RAB3IL1: variants seen among roughly 807,000 people sequenced by gnomAD.
RAB3IL1 encodes RAB3A interacting protein like 1, also known as guanine nucleotide exchange factor for Rab-3A.
RAB3IL1 carries 37 observed loss-of-function variants against 49.2 expected under a neutral mutation model. The ratio of observed to expected loss-of-function variants is 0.75; its 90% confidence interval spans 0.58 to 0.99. RAB3IL1 has a LOEUF of 0.99. Among genes scored for constraint, RAB3IL1 ranks in the 50% least tolerant of loss-of-function variants. The probability of loss-of-function intolerance (pLI) is 0.00; values close to 1 mark genes in which losing one functional copy is unlikely to be tolerated. For synonymous variants in RAB3IL1, 193 were observed against 213.9 expected (o/e 0.90, Z 0.85); for missense variants, 484 against 513.0 (o/e 0.94, Z 0.55).
chr11:61,903,101 A>T (rs1054202166), intron 7 of RAB3IL1, among the ~76,000 whole-genome samples: 2 of 151,640 alleles, frequency 1.3e-5, no homozygotes, highest in African/African-American at 4.9e-5. Flanking sequence ...TCAGCCACCC[A>T]CATGAAGGGT....
At chr11:61,938,663 T>C in the RAB3IL1 span, among the ~76,000 whole-genome samples, 76,638 of 152,016 alleles carry the variant, frequency 0.5, 20,226 homozygotes, top group East Asian at 0.87. Flanking sequence ...CAGTGGCTCA[T>C]GCTTCTAATC....
At chr11:61,922,737 C>T (rs1312249843), upstream of RAB3IL1, among the ~76,000 whole-genome samples, 5 of 152,046 alleles carry the variant, frequency 3.3e-5, no homozygotes, top group East Asian at 9.7e-4. Context: ...AACAGTATCT[C>T]CCACTTGGGC....
chr11:61,940,959 G>A, the RAB3IL1 span, among the ~76,000 whole-genome samples: 10 of 151,648 alleles, frequency 6.6e-5, no homozygotes, highest in East Asian at 3.9e-4. Flanking sequence ...ACTGTGGCAC[G>A]TGCTTGTAAT....
At chr11:61,907,889 C>CGG (rs1939278211) in intron 2 of RAB3IL1, among the ~76,000 whole-genome samples, 165 bp downstream of exon 2, 2 of 152,190 alleles carry the variant, frequency 1.3e-5, no homozygotes, top group Admixed American at 1.3e-4. Context: ...GCAGTCAAGA[C>CGG]GGGTGACCAT....
the RAB3IL1 span, among the ~76,000 whole-genome samples, chr11:61,933,846 G>A: frequency 1.3e-5 from 2 of 152,098 alleles, no homozygotes; most frequent in Non-Finnish European, 2.9e-5. Flanking sequence ...TAGGAAGGCT[G>A]AGGCAGGAGA....
At chr11:61,942,603 C>T in the RAB3IL1 span, among the ~76,000 whole-genome samples, 18 of 152,052 alleles carry the variant, frequency 1.2e-4, no homozygotes, top group Admixed American at 5.9e-4. Context: ...ATGTAGTAAA[C>T]CCTAAAGAAT....
intron 7 of RAB3IL1, among the ~76,000 whole-genome samples, chr11:61,903,237 C>T (rs758429860): frequency 2.0e-5 from 3 of 152,020 alleles, no homozygotes; most frequent in Admixed American, 6.6e-5. Flanking sequence ...GGCCAGGGCA[C>T]AGCAGCAGTA....
upstream of RAB3IL1, among the ~76,000 whole-genome samples, chr11:61,922,705 T>TGCCCC (rs1302176893): frequency 6.8e-6 from 1 of 146,254 alleles, no homozygotes; most frequent in African/African-American, 2.5e-5. Context: ...CACCCCACCC[T>TGCCCC]GCCCCGCCCC....
rs1429322136 is a variant in RAB3IL1, at chr11:61,899,313, C to A, written c.1066+1G>T. 2 of 1,605,228 alleles carry A rather than the reference C, an allele frequency of 1.2e-6. No homozygotes were observed. The highest frequency in any genetic ancestry group is 1.7e-6 in the Non-Finnish European group (2 of 1,179,454). On this transcript the variant is annotated splice_donor_variant, in intron 9 of 9. Transcript: ENST00000394836. LOFTEE classifies it high-confidence loss of function. The stretch of plus-strand genomic sequence containing the variant: ...TGCACCGGCCACCAGGGGGCGCTCA[C>A]CGTCCTGCCGCACCAGGCCTTGCTG...
chr11:61,936,271 T>C, the RAB3IL1 span, among the ~76,000 whole-genome samples: 1 of 152,218 alleles, frequency 6.6e-6, no homozygotes, highest in Admixed American at 6.5e-5. Flanking sequence ...ACTTCCAATA[T>C]GTAATGGAAG....
rs1939223105 is a variant in RAB3IL1 at position 61,906,953 on chromosome 11, C to T, written c.439-269G>A. On this transcript the variant is annotated intron_variant, in intron 4 of 9. Transcript: ENST00000394836. This position sits in a 1 kb window ranked among gnomAD's most constrained non-coding sequence, Gnocchi z 4.6. ...ACAAGTGTCTGGGAGCTGGCTGGGCCTCCCATGAGAGTTCTGGGACCGCCC... is the reference window on the plus strand; with the variant it reads ...ACAAGTGTCTGGGAGCTGGCTGGGCTTCCCATGAGAGTTCTGGGACCGCCC... Among the ~76,000 whole-genome samples, 1 of 152,214 alleles carries T rather than the reference C, an allele frequency of 6.6e-6. No homozygotes were observed. The highest frequency in any genetic ancestry group is 1.5e-5 in the Non-Finnish European group (1 of 68,028).
the RAB3IL1 span, among the ~76,000 whole-genome samples, chr11:61,937,039 G>C: frequency 6.6e-6 from 1 of 151,780 alleles, no homozygotes; most frequent in East Asian, 1.9e-4. Context: ...TAAATACATA[G>C]GTAAATATAC....
upstream of RAB3IL1, among the ~76,000 whole-genome samples, chr11:61,924,955 CG>C (rs1487175039): frequency 2.6e-5 from 4 of 152,134 alleles, no homozygotes; most frequent in Non-Finnish European, 5.9e-5. Flanking sequence ...CAGAAACCTT[CG>C]GGGGGAAAAC....
At chr11:61,907,341 G>C in intron 4 of RAB3IL1, 52 bp downstream of exon 4, 1 of 1,585,490 alleles carries the variant, frequency 6.3e-7, no homozygotes, top group South Asian at 1.1e-5. Context: ...CGCTGAGCCG[G>C]GAGGCAGGGG....
At chr11:61,902,313 C>CA (rs1276231116) in intron 8 of RAB3IL1, 129 bp downstream of exon 8, 3 of 838,686 alleles carry the variant, frequency 3.6e-6, no homozygotes, top group Non-Finnish European at 5.5e-6. Flanking sequence ...GACTCTGTCT[C>CA]AAAAAATAAA....
chr11:61,943,178 T>G, the RAB3IL1 span, among the ~76,000 whole-genome samples: 1 of 152,206 alleles, frequency 6.6e-6, no homozygotes, highest in African/African-American at 2.4e-5. Flanking sequence ...AGTCCAGAAA[T>G]AAACCCATAT....
At chr11:61,939,686 C>G in the RAB3IL1 span, among the ~76,000 whole-genome samples, 1 of 151,270 alleles carries the variant, frequency 6.6e-6, no homozygotes, top group South Asian at 2.1e-4. Context: ...TGGAGTGGCT[C>G]ACGCCTGTAA....
At chr11:61,927,224 C>A in the RAB3IL1 span, among the ~76,000 whole-genome samples, 2 of 152,118 alleles carry the variant, frequency 1.3e-5, no homozygotes, top group Non-Finnish European at 2.9e-5. Flanking sequence ...ATGCATGCCC[C>A]CCCCTTAACC....
At chr11:61,945,379 G>A in the RAB3IL1 span, among the ~76,000 whole-genome samples, 5 of 152,278 alleles carry the variant, frequency 3.3e-5, no homozygotes, top group East Asian at 1.9e-4. Context: ...CGCTAAACAC[G>A]GTCGGTCGGC....
Sources: allele counts gnomAD v4.1 joint callset (sites outside exome capture counted in the v4.1 genomes callset), GRCh38; gene constraint gnomAD v4.1.1; non-coding constraint Gnocchi (gnomAD v3.1); transcripts MANE v1.5; gene names NCBI Gene and HGNC (gene_info 2026-07-23, HGNC 2026-07-21).